RBMS3: variants seen among roughly 807,000 people sequenced by gnomAD.
RBMS3 encodes RNA-binding motif, single-stranded-interacting protein 3.
A neutral mutation model predicts 66.8 loss-of-function variants in RBMS3; 27 were observed. The observed-to-expected ratio is 0.40, with a 90% CI of 0.30 to 0.56. RBMS3 has a LOEUF of 0.56. RBMS3 is among the 20% of genes least tolerant of loss of function. The pLI is 0.40. For synonymous variants in RBMS3, 188 were observed against 183.0 expected (o/e 1.03, Z -0.22); for missense variants, 513 against 549.5 (o/e 0.93, Z 0.66).
chr3:29,522,716 C>A (rs1425842476), intron 3 of RBMS3, among the ~76,000 whole-genome samples: 1 of 152,052 alleles, frequency 6.6e-6, no homozygotes, highest in African/African-American at 2.4e-5. Flanking sequence ...TTTCTTCAGT[C>A]TTTTATTCGT....
At chr3:29,614,684 C>T (rs1388047917) in intron 4 of RBMS3, 1 of 152,026 alleles carries the variant, frequency 6.6e-6, no homozygotes, top group Non-Finnish European at 1.5e-5. Flanking sequence ...AGCCTTATCT[C>T]ATATATCAGT....
intron 2 of RBMS3, among the ~76,000 whole-genome samples, chr3:29,449,707 T>C (rs552786099): frequency 6.6e-6 from 1 of 152,352 alleles, no homozygotes; most frequent in Admixed American, 6.5e-5. Context: ...CTCTTAAAAG[T>C]TCGTTTTAAC....
At chr3:29,453,330 G>C (rs534223518) in intron 2 of RBMS3, among the ~76,000 whole-genome samples, 1 of 152,344 alleles carries the variant, frequency 6.6e-6, no homozygotes, top group South Asian at 2.1e-4. Flanking sequence ...TTTAGACAAG[G>C]AAGTGTTCTG....
At chr3:29,446,620 T>C (rs993774503) in intron 2 of RBMS3, among the ~76,000 whole-genome samples, 2 of 152,090 alleles carry the variant, frequency 1.3e-5, no homozygotes, top group Non-Finnish European at 2.9e-5. Context: ...AAAAACACAG[T>C]TATAGTGCAT....
rs183172524 is a variant in RBMS3, at chr3:29,439,505, A to G, written c.248+4590A>G. On this transcript the variant is annotated intron_variant, in intron 2 of 14. Coordinates refer to ENST00000383767, the MANE Select transcript of RBMS3 (RefSeq NM_001003793.3). Reference sequence around the variant, plus strand: ...CTTTTTTCCGTTAAAAAGCAGGGACATGGGAACAATTAACCAAATGAACTT... The same window carrying G: ...CTTTTTTCCGTTAAAAAGCAGGGACGTGGGAACAATTAACCAAATGAACTT... Among the ~76,000 whole-genome samples, 15 of 152,284 alleles carry G rather than the reference A, an allele frequency of 9.9e-5. No homozygotes were observed. The East Asian group carries it at 2.7e-3, about 27-fold the overall frequency.
intron 10 of RBMS3, among the ~76,000 whole-genome samples, chr3:29,923,367 A>C (rs754527886): frequency 6.6e-5 from 10 of 152,224 alleles, no homozygotes; most frequent in Non-Finnish European, 1.3e-4. Flanking sequence ...AATAGGGATA[A>C]GCAAAAACAA....
chr3:29,337,557 G>T (rs891952864), intron 1 of RBMS3, among the ~76,000 whole-genome samples: 1 of 151,980 alleles, frequency 6.6e-6, no homozygotes, highest in East Asian at 1.9e-4. Context: ...GAGGCAAGAG[G>T]ATTGCTTGAG....
intron 1 of RBMS3, among the ~76,000 whole-genome samples, chr3:29,342,255 T>C (rs2036320733): frequency 6.6e-6 from 1 of 152,166 alleles, no homozygotes; most frequent in African/African-American, 2.4e-5. Flanking sequence ...CGAGGAGATT[T>C]GAGACCTAGT....
chr3:29,614,251 T>C (rs1184310675), intron 4 of RBMS3, among the ~76,000 whole-genome samples: 1 of 152,112 alleles, frequency 6.6e-6, no homozygotes, highest in Non-Finnish European at 1.5e-5. Context: ...ATCTCACTTA[T>C]ATGTGGAATC....
chr3:29,697,306 C>T, intron 4 of RBMS3, among the ~76,000 whole-genome samples: 1 of 152,132 alleles, frequency 6.6e-6, no homozygotes, highest in East Asian at 1.9e-4. Flanking sequence ...TCCTCCAAAC[C>T]ATTAATCTTT....
chr3:29,384,894 T>C (rs1217438229), intron 1 of RBMS3, among the ~76,000 whole-genome samples: 1 of 152,216 alleles, frequency 6.6e-6, no homozygotes, highest in African/African-American at 2.4e-5. Flanking sequence ...TGAAAAAGTA[T>C]TAACATACGT....
At chr3:29,704,957 G>A (rs781565414) in intron 4 of RBMS3, among the ~76,000 whole-genome samples, 1 of 152,184 alleles carries the variant, frequency 6.6e-6, no homozygotes, top group East Asian at 1.9e-4. Flanking sequence ...ATGTTGTCAA[G>A]ATATCTTGTC....
chr3:29,959,638 A>AT, intron 12 of RBMS3, among the ~76,000 whole-genome samples: 1 of 152,198 alleles, frequency 6.6e-6, no homozygotes, highest in Non-Finnish European at 1.5e-5. Context: ...ATTACTCAAG[A>AT]CTGAGTAATG....
rs539536716 is a variant in RBMS3 at position 29,360,500 on chromosome 3, G to T, written c.76-74243G>T. Among the ~76,000 whole-genome samples, 20 of 152,108 alleles carry T rather than the reference G, an allele frequency of 1.3e-4. 1 individual carries two copies. The highest frequency in any genetic ancestry group is 3.4e-3 in the Middle Eastern group (1 of 294). On this transcript the variant is annotated intron_variant, in intron 1 of 14. Transcript: ENST00000383767. The stretch of plus-strand genomic sequence containing the variant: ...TCAATTTTGCAATAGCTGTGGTGTC[G>T]TGCTGAGAAGAATGTATATTCTGTT...
At chr3:29,976,799 A>G (rs1377161506) in intron 12 of RBMS3, among the ~76,000 whole-genome samples, 105 of 145,834 alleles carry the variant, frequency 7.2e-4, no homozygotes, top group Admixed American at 7.0e-3. Context: ...TTGTGCCTCA[A>G]TTCAGAAATA....
In RBMS3 at chr3:29,589,072, A is replaced by G. The variant is rs142242908; in HGVS notation, c.399+1867A>G. 3.0e-3 allele frequency among the ~76,000 whole-genome samples: 453 copies of G among 152,250 alleles called. 4 individuals are homozygous for G. Among genetic ancestry groups the G allele is most frequent in the African/African-American group, 0.01 (431 of 41,568 alleles). The stretch of plus-strand genomic sequence containing the variant: ...TTTCAAATGTCCTCAGAATATGTAT[A>G]GTTAGTTGTTAGATAAAAACCACTG... On this transcript the variant is annotated intron_variant, in intron 4 of 14. Coordinates refer to ENST00000383767, the MANE Select transcript of RBMS3 (RefSeq NM_001003793.3).
Position 30,009,610 on chromosome 3 carries a change from C to T in RBMS3, c.*5748C>T, listed in dbSNP as rs1217426080. ...GTAGCACGGATCAACACGACTTCTG[C>T]AATGAGAGTATAACGGTAGCTCTTG... On this transcript the variant is annotated 3_prime_UTR_variant, in exon 15 of 15. Transcript: ENST00000383767. The T allele has an allele frequency of 6.6e-6, 1 of 152,166 alleles. No homozygotes were observed. The highest frequency in any genetic ancestry group is 1.5e-5 in the Non-Finnish European group (1 of 68,018). The allele number at this position is 152,166 out of a possible 1,614,324, so 9.4% of individuals were successfully genotyped here.
intron 4 of RBMS3, among the ~76,000 whole-genome samples, chr3:29,690,528 A>T (rs1344584659): frequency 1.3e-5 from 2 of 152,230 alleles, no homozygotes. Context: ...CTAATCAATT[A>T]TGTTTCTTTG....
intron 3 of RBMS3, among the ~76,000 whole-genome samples, chr3:29,568,791 G>A (rs892782917): frequency 3.9e-5 from 6 of 152,150 alleles, no homozygotes; most frequent in Non-Finnish European, 8.8e-5. Context: ...TGTCCAGGTG[G>A]AGTTTGGAGG....
Sources: gnomAD v4.1 joint callset for allele counts (sites outside exome capture counted in the v4.1 genomes callset) on GRCh38, gnomAD v4.1.1 for gene constraint, MANE v1.5 for transcripts, NCBI Gene and HGNC (gene_info 2026-07-23, HGNC 2026-07-21) for gene names.